The following AKAP13 variants were observed in gnomAD, a reference collection of about 807,000 sequenced individuals.
AKAP13 encodes A-kinase anchor protein 13.
Under a neutral mutation model 264.5 loss-of-function variants are expected in AKAP13, and 80 were observed. The ratio of observed to expected loss-of-function variants is 0.30; its 90% CI spans 0.25 to 0.36. The LOEUF (loss-of-function observed/expected upper bound fraction) is 0.36, where lower values mean the gene tolerates loss of function less well. Among genes scored for constraint, AKAP13 ranks in the 10% least tolerant of loss-of-function variants. The pLI, the probability that AKAP13 is intolerant of heterozygous loss-of-function variation, is 1.00. For synonymous variants in AKAP13, 1,380 were observed against 1,250.2 expected, an observed-to-expected ratio of 1.10 and a Z score of -2.19; for missense variants, 3,712 against 3,435.2, an observed-to-expected ratio of 1.08 and a Z score of -2.01.
At chr15:85,465,107 AT>A (rs376487830) in intron 1 of AKAP13, among the ~76,000 whole-genome samples, 1,534 of 135,936 alleles carry the variant, frequency 0.011, 28 homozygotes, top group African/African-American at 0.029. Context: ...CGCCTGGCTA[AT>A]TTTTTTTTTT....
chr15:85,735,611 C>A lies in AKAP13; in HGVS notation c.7493C>A (p.Ser2498Ter). The A allele has an allele frequency of 1.2e-6, 2 of 1,613,094 alleles. No homozygotes were observed. The highest frequency in any genetic ancestry group is 2.2e-5 in the South Asian group (2 of 90,658). The change falls in exon 32 of 37, where the codon TCA becomes TAA. Residue 2498 changes from serine (S) to a stop codon, truncating the protein, a stop_gained. Transcript: ENST00000394518. LOFTEE classifies it high-confidence loss of function. The part of the protein sequence containing the change: ...DDGQDLRRTE[S>*]DSGLKKGGNA... ...GGCCAAGATCTTAGGAGAACGGAAT[C>A]AGATAGTGGCCTAAAAAAGGTATTT...
chr15:85,615,409 A>C (rs1252279486), intron 8 of AKAP13, among the ~76,000 whole-genome samples: 1 of 145,902 alleles, frequency 6.9e-6, no homozygotes, highest in East Asian at 2.0e-4. Context: ...GAGCCATAGT[A>C]CAAGGAAAGC....
At chr15:85,686,366 G>C (rs533377637) in intron 16 of AKAP13, among the ~76,000 whole-genome samples, 2 of 152,300 alleles carry the variant, frequency 1.3e-5, no homozygotes, top group East Asian at 3.9e-4. Flanking sequence ...CCTCACTTCA[G>C]TGGGCTGATG....
intron 8 of AKAP13, among the ~76,000 whole-genome samples, chr15:85,613,654 C>T (rs2080780769): frequency 7.9e-6 from 1 of 126,062 alleles, no homozygotes; most frequent in South Asian, 3.0e-4. Context: ...GCACTCCAGC[C>T]TGGGCAACAG....
intron 1 of AKAP13, among the ~76,000 whole-genome samples, chr15:85,403,605 C>G (rs1242295399): frequency 6.6e-6 from 1 of 152,082 alleles, no homozygotes; most frequent in African/African-American, 2.4e-5. Flanking sequence ...CTTTGGGAAG[C>G]TGAGGTGGGT....
At chr15:85,529,223 C>T (rs570446214) in intron 3 of AKAP13, among the ~76,000 whole-genome samples, 4 of 152,192 alleles carry the variant, frequency 2.6e-5, no homozygotes, top group South Asian at 4.1e-4. Context: ...AGGTCGAGAC[C>T]ATCCTGGCTA....
At chr15:85,626,300 G>A (rs1223022281) in intron 8 of AKAP13, among the ~76,000 whole-genome samples, 2 of 152,306 alleles carry the variant, frequency 1.3e-5, no homozygotes, top group South Asian at 2.1e-4. Context: ...TAGTTCAGTG[G>A]CATTAAGTAC....
chr15:85,717,927 TC>T (rs2087048805), intron 21 of AKAP13, 79 bp from the exon 22 acceptor site: 1 of 1,387,958 alleles, frequency 7.2e-7, no homozygotes, highest in African/African-American at 1.4e-5. Context: ...AAATCAACTA[TC>T]ATCTTGAGGA....
At chr15:85,654,398 TA>T (rs1021216328) in intron 10 of AKAP13, among the ~76,000 whole-genome samples, 7 of 152,160 alleles carry the variant, frequency 4.6e-5, no homozygotes, top group African/African-American at 1.7e-4. Flanking sequence ...TTAAAGCTTA[TA>T]AAAAATAATT....
chr15:85,663,243 G>C (rs1317173869), intron 12 of AKAP13, among the ~76,000 whole-genome samples: 1 of 151,594 alleles, frequency 6.6e-6, no homozygotes, highest in Non-Finnish European at 1.5e-5. Flanking sequence ...CCGGGAGATG[G>C]AGGTAGCAGT....
At position 85,701,131 on chromosome 15, in the gene AKAP13, A is replaced by G. The variant is rs147678877; in HGVS notation, c.5465-6888A>G. On this transcript the variant is annotated intron_variant, in intron 17 of 36. Coordinates refer to ENST00000394518, the MANE Select transcript of AKAP13 (RefSeq NM_007200.5). ...TAGTATTTTGGAAAACCAGTGAAAT[A>G]GTGGATTGGCTACTGGTTCTGTGCT... 2.6e-4 allele frequency: 40 copies of G among 152,358 alleles called. 1 individual carries two copies. In the East Asian group the frequency reaches 7.7e-3, roughly 29 times the overall value. The allele number at this position is 152,358 out of a possible 1,614,324, so 9.4% of individuals were successfully genotyped here. A position where few individuals can be genotyped will look rare whatever the true frequency, so the allele number is the denominator to read the frequency against.
At chr15:85,449,682 T>C (rs2074016780) in intron 1 of AKAP13, among the ~76,000 whole-genome samples, 1 of 152,168 alleles carries the variant, frequency 6.6e-6, no homozygotes, top group Non-Finnish European at 1.5e-5. Flanking sequence ...GAGATAATCA[T>C]GTGGTTTTTA....
rs754896168 is a variant in AKAP13 at position 85,645,893 on chromosome 15, G to A, written c.4313G>A (p.Gly1438Glu). The A allele has an allele frequency of 2.1e-5, 34 of 1,613,476 alleles. No homozygotes were observed. Among genetic ancestry groups the A allele is most frequent in the Non-Finnish European group, 2.9e-5 (34 of 1,179,892 alleles). Residue 1438 changes from glycine to glutamate, a missense_variant, in exon 10 of 37, where the codon GGG becomes GAG. This residue lies in a region of AKAP13 where 2,759 missense variants were observed against 2,411.7 expected (regional missense o/e 1.14). Coordinates refer to ENST00000394518, the MANE Select transcript of AKAP13 (RefSeq NM_007200.5). ...CAAGGTGTACTTAAAAGAGAATCTG[G>A]GAGTGATTCTGACCTCTTTCACTCA... ...SKQGVLKRES[G>E]SDSDLFHSPS...
chr15:85,476,679 C>T (rs546855732), intron 1 of AKAP13, among the ~76,000 whole-genome samples: 1 of 152,244 alleles, frequency 6.6e-6, no homozygotes, highest in African/African-American at 2.4e-5. Context: ...GTCTTTTTGT[C>T]TCTGTCTCTG....
At chr15:85,687,733 C>T (rs1032309424) in intron 16 of AKAP13, among the ~76,000 whole-genome samples, 1 of 135,982 alleles carries the variant, frequency 7.4e-6, no homozygotes, top group African/African-American at 2.8e-5. Context: ...GTCAATGTAG[C>T]AAAAGATGAT....
intron 8 of AKAP13, among the ~76,000 whole-genome samples, chr15:85,588,068 G>A (rs904912639): frequency 6.6e-6 from 1 of 152,042 alleles, no homozygotes; most frequent in South Asian, 2.1e-4. Flanking sequence ...TACTCATGCT[G>A]CCCCTTTGAA....
chr15:85,580,643 G>C lies in AKAP13; in HGVS notation c.2575G>C (p.Gly859Arg), dbSNP rs201309736. 1.5e-5 allele frequency: 25 copies of C among 1,614,234 alleles called. No homozygotes were observed. The highest frequency in any genetic ancestry group is 2.1e-5 in the Non-Finnish European group (25 of 1,180,038). Residue 859 changes from glycine (G) to arginine (R), a missense_variant, in exon 7 of 37, where the codon GGG becomes CGG. Gly to Arg is a moderately radical substitution (Grantham distance 125). Transcript: ENST00000394518. Reference sequence around the variant, plus strand: ...CTCCACTGCTGCAGAGCTTCAGCACGGGATGGGGAATACCAGTCTCACAGG... The same window carrying C: ...CTCCACTGCTGCAGAGCTTCAGCACCGGATGGGGAATACCAGTCTCACAGG... Reference protein sequence around the residue: ...TSSTAAELQHGMGNTSLTGLG... With the variant: ...TSSTAAELQHRMGNTSLTGLG...
intron 1 of AKAP13, among the ~76,000 whole-genome samples, chr15:85,417,763 A>G (rs2072309916): frequency 6.6e-6 from 1 of 152,168 alleles, no homozygotes; most frequent in East Asian, 1.9e-4. Context: ...TTCTAGTTTT[A>G]CAGATGGAGA....
chr15:85,697,575 AG>A (rs1366564419), intron 17 of AKAP13, among the ~76,000 whole-genome samples: 1 of 152,254 alleles, frequency 6.6e-6, no homozygotes, highest in Non-Finnish European at 1.5e-5. Flanking sequence ...TCTCAAAAAA[AG>A]AAAGAAAATT....
Sources: allele counts gnomAD v4.1 joint callset (sites outside exome capture counted in the v4.1 genomes callset), GRCh38; gene constraint gnomAD v4.1.1; regional missense constraint gnomAD v4.1.1; transcripts MANE v1.5; gene names NCBI Gene and HGNC (gene_info 2026-07-23, HGNC 2026-07-21).